FAM227B: variants seen among roughly 807,000 people sequenced by gnomAD.
FAM227B encodes the protein family with sequence similarity 227 member B.
A neutral mutation model predicts 73.8 loss-of-function variants in FAM227B; 88 were observed. The observed-to-expected ratio is 1.19, with a 90% CI of 1.00 to 1.42. The LOEUF (loss-of-function observed/expected upper bound fraction) is 1.42. Among genes scored for constraint, FAM227B ranks in the 40% most tolerant of loss-of-function variants. The pLI, the probability that FAM227B is intolerant of heterozygous loss-of-function variation, is 0.00. For synonymous variants in FAM227B, 210 were observed against 190.5 expected, an observed-to-expected ratio of 1.10 and a Z score of -0.84; for missense variants, 632 against 590.9, an observed-to-expected ratio of 1.07 and a Z score of -0.72.
At chr15:49,406,463 GT>G (rs1292693469) in intron 11 of FAM227B, among the ~76,000 whole-genome samples, 18 of 151,936 alleles carry the variant, frequency 1.2e-4, no homozygotes, top group Non-Finnish European at 2.4e-4. Flanking sequence ...AGGACTATGT[GT>G]GATTTATGCA....
intron 3 of FAM227B, among the ~76,000 whole-genome samples, chr15:49,610,087 T>TTTAAGCAAATTTGCTTAAA (rs2077789425): frequency 6.6e-6 from 1 of 152,038 alleles, no homozygotes; most frequent in African/African-American, 2.4e-5. Flanking sequence ...ATTGGTATCA[T>TTTAAGCAAATTTGCTTAAA]TCTCAATTTA....
At chr15:49,495,434 A>G (rs1007680613) in intron 11 of FAM227B, among the ~76,000 whole-genome samples, 7 of 152,164 alleles carry the variant, frequency 4.6e-5, no homozygotes, top group African/African-American at 1.7e-4. Context: ...TTCTGTTCAT[A>G]TAGTCTTTCT....
At chr15:49,402,827 G>A (rs868084823) in intron 11 of FAM227B, among the ~76,000 whole-genome samples, 46 of 152,252 alleles carry the variant, frequency 3.0e-4, no homozygotes, top group African/African-American at 1.1e-3. Context: ...TTGAATAGGA[G>A]TGGTGAGAGT....
chr15:49,528,108 C>T lies in FAM227B; in HGVS notation c.874+13572G>A, dbSNP rs577407883. ...CATCACATGACTTCAAGTTAAACTA[C>T]AAAGCTATAGTAACCCAAATAACAT... is the stretch of plus-strand genomic sequence containing the variant. On this transcript the variant is annotated intron_variant, in intron 10 of 15. Transcript: ENST00000299338. Among the ~76,000 whole-genome samples the T allele has an allele frequency of 4.6e-5, 7 of 151,906 alleles. No individual in the cohort carries two copies. In the East Asian group the frequency reaches 1.3e-3, roughly 29 times the overall value.
chr15:49,520,919 A>G (rs2059738369), intron 10 of FAM227B, among the ~76,000 whole-genome samples: 1 of 152,168 alleles, frequency 6.6e-6, no homozygotes, highest in African/African-American at 2.4e-5. Flanking sequence ...GTGAAAGGAT[A>G]GGTGGAAATA....
chr15:49,424,274 G>A, intron 11 of FAM227B: 1 of 1,592,768 alleles, frequency 6.3e-7, no homozygotes, highest in Non-Finnish European at 8.6e-7. Context: ...TGTTATTCAT[G>A]AACACCCGGA....
intron 11 of FAM227B, among the ~76,000 whole-genome samples, chr15:49,386,119 T>C (rs2046869171): frequency 6.6e-6 from 1 of 151,706 alleles, no homozygotes; most frequent in Non-Finnish European, 1.5e-5. Context: ...AGAGGAACAG[T>C]GGACTTAAAT....
At chr15:49,425,958 ATAAT>A (rs1279912018) in intron 11 of FAM227B, among the ~76,000 whole-genome samples, 3 of 151,670 alleles carry the variant, frequency 2.0e-5, no homozygotes, top group Non-Finnish European at 4.4e-5. Context: ...AATTTGGCTT[ATAAT>A]TAATTTATTT....
At chr15:49,408,054 T>C (rs2048637682) in intron 11 of FAM227B, among the ~76,000 whole-genome samples, 1 of 152,214 alleles carries the variant, frequency 6.6e-6, no homozygotes, top group South Asian at 2.1e-4. Context: ...TCATCCTTTT[T>C]GTTTTGTATC....
chr15:49,497,534 C>T (rs2057733313), intron 11 of FAM227B, among the ~76,000 whole-genome samples: 1 of 152,102 alleles, frequency 6.6e-6, no homozygotes, highest in Non-Finnish European at 1.5e-5. Flanking sequence ...CACTCACTGA[C>T]CACTAACTGA....
At chr15:49,380,849 CT>C (rs1160346074) in intron 11 of FAM227B, among the ~76,000 whole-genome samples, 4 of 152,084 alleles carry the variant, frequency 2.6e-5, no homozygotes, top group African/African-American at 9.7e-5. Flanking sequence ...GCAGAAGCCC[CT>C]TGTGTTAGTC....
chr15:49,425,801 TTTA>T (rs1331866459), intron 11 of FAM227B, among the ~76,000 whole-genome samples: 1 of 151,668 alleles, frequency 6.6e-6, no homozygotes, highest in Non-Finnish European at 1.5e-5. Context: ...CAGTTATGGT[TTTA>T]TTATTATTAT....
At position 49,565,046 on chromosome 15, in the gene FAM227B, C is replaced by T. The variant is rs142769068; in HGVS notation, c.747+3199G>A. 6.6e-3 allele frequency among the ~76,000 whole-genome samples: 1,003 copies of T among 152,080 alleles called. 5 individuals carry two copies. The highest frequency in any genetic ancestry group is 0.013 in the Admixed American group (195 of 15,264). On this transcript the variant is annotated intron_variant, in intron 9 of 15. Transcript: ENST00000299338. ...TATTTTTAAGTAACTGTAGGTTGTT[C>T]GCATGAGTTTATATAGTGCAATCAG...
chr15:49,332,372 G>T (rs2038953477), intron 14 of FAM227B, among the ~76,000 whole-genome samples: 1 of 152,206 alleles, frequency 6.6e-6, no homozygotes, highest in Admixed American at 6.5e-5. Context: ...GAGGGAGATG[G>T]AAAAGGCCAG....
At chr15:49,441,624 A>T (rs2051653311) in intron 11 of FAM227B, among the ~76,000 whole-genome samples, 1 of 151,650 alleles carries the variant, frequency 6.6e-6, no homozygotes, top group African/African-American at 2.4e-5. Context: ...TTTTCTTCTG[A>T]TTCACCACAG....
At chr15:49,502,145 G>C (rs959193041) in intron 11 of FAM227B, among the ~76,000 whole-genome samples, 2 of 152,160 alleles carry the variant, frequency 1.3e-5, no homozygotes, top group Admixed American at 1.3e-4. Flanking sequence ...CTTTTATTAC[G>C]GCAGTAAAGA....
chr15:49,399,532 C>A (rs968661097), intron 11 of FAM227B, among the ~76,000 whole-genome samples: 2 of 146,846 alleles, frequency 1.4e-5, no homozygotes, highest in South Asian at 2.2e-4. Context: ...CAAAGCCAGG[C>A]AGAGACACAA....
chr15:49,330,999 T>G (rs1480507764), intron 15 of FAM227B: 6 of 152,326 alleles, frequency 3.9e-5, no homozygotes, highest in Non-Finnish European at 5.9e-5. Context: ...GTTTGCTTAT[T>G]ATACTGTCCT....
intron 5 of FAM227B, among the ~76,000 whole-genome samples, chr15:49,580,308 G>C (rs563381511): frequency 3.3e-5 from 5 of 152,242 alleles, no homozygotes; most frequent in African/African-American, 1.2e-4. Context: ...TTGGCTGAGC[G>C]AGTGCCCAGC....
Sources: allele counts gnomAD v4.1 joint callset (sites outside exome capture counted in the v4.1 genomes callset), GRCh38; gene constraint gnomAD v4.1.1; transcripts MANE v1.5; gene names NCBI Gene and HGNC (gene_info 2026-07-23, HGNC 2026-07-21).